CNIH3: variants seen among roughly 807,000 people sequenced by gnomAD.
CNIH3 encodes cornichon family AMPA receptor auxiliary protein 3.
Under a neutral mutation model 24.1 loss-of-function variants are expected in CNIH3, and 14 were observed. That is an observed-to-expected ratio of 0.58 (90% CI 0.38 to 0.91). The LOEUF is 0.91. Ranked by LOEUF, CNIH3 falls within the 40% of genes least tolerant of loss-of-function variation. CNIH3 has a pLI of 0.00. For missense variants in CNIH3, 178 were observed against 196.8 expected, an observed-to-expected ratio of 0.90 and a Z score of 0.57; for synonymous variants, 68 against 73.8, an observed-to-expected ratio of 0.92 and a Z score of 0.40.
chr1:224,581,023 G>T (rs950212242), intron 4 of CNIH3, among the ~76,000 whole-genome samples: 2 of 152,184 alleles, frequency 1.3e-5, no homozygotes. Flanking sequence ...GAGGCCCCCA[G>T]TGGAAACATA....
rs150991141 is a variant in CNIH3, at chr1:224,521,606, G to A, written n.343+279G>A. 1.6e-3 allele frequency: 239 copies of A among 152,276 alleles called. 1 individual carries two copies. Among genetic ancestry groups the A allele is most frequent in the African/African-American group, 5.3e-3 (220 of 41,552 alleles). The allele number at this position is 152,276 out of a possible 1,614,324, so 9.4% of individuals were successfully genotyped here. ...AAAGACAAGTTCTCCCTGACCTGGG[G>A]TGTTTGAAAAGATAACATGCTAGCC... On this transcript the variant is annotated intron_variant and non_coding_transcript_variant, in intron 2 of 2. Coordinates refer to the CNIH3 transcript ENST00000470602.
intron 1 of CNIH3, among the ~76,000 whole-genome samples, chr1:224,665,118 G>A (rs539290050): frequency 7.2e-5 from 11 of 152,120 alleles, no homozygotes; most frequent in South Asian, 4.2e-4. Flanking sequence ...TATACATTCC[G>A]TTAGTTAATT....
chr1:224,565,570 T>G (rs1680546466), intron 3 of CNIH3: 1 of 152,608 alleles, frequency 6.6e-6, no homozygotes, highest in Non-Finnish European at 1.5e-5. Flanking sequence ...AGCCCTACGC[T>G]TGCTGTTCTC....
At chr1:224,512,349 G>A (rs1041008700), upstream of CNIH3, among the ~76,000 whole-genome samples, 5 of 152,114 alleles carry the variant, frequency 3.3e-5, no homozygotes, top group African/African-American at 9.7e-5. Flanking sequence ...AGGCATGGTG[G>A]TGCACGCCTG....
At chr1:224,474,390 A>C (rs1572320315) in intron 1 of CNIH3, among the ~76,000 whole-genome samples, 2 of 152,038 alleles carry the variant, frequency 1.3e-5, no homozygotes, top group East Asian at 3.9e-4. Flanking sequence ...AAGTTTTTCA[A>C]GAAAAAGTTT....
chr1:224,710,912 T>C (rs1299739996), intron 3 of CNIH3, among the ~76,000 whole-genome samples: 1 of 152,244 alleles, frequency 6.6e-6, no homozygotes, highest in Non-Finnish European at 1.5e-5. Flanking sequence ...TCCTGCATAA[T>C]GATATCTTGT....
chr1:224,446,803 A>G (rs1324166372), intron 1 of CNIH3, among the ~76,000 whole-genome samples: 1 of 152,162 alleles, frequency 6.6e-6, no homozygotes, highest in Non-Finnish European at 1.5e-5. Context: ...AAAGAAGTCT[A>G]TCTAGGTGAG....
chr1:224,611,467 G>C (rs531452588), upstream of CNIH3: 1 of 152,290 alleles, frequency 6.6e-6, no homozygotes, highest in African/African-American at 2.4e-5. Flanking sequence ...GTTAAGGCCT[G>C]GTAGAGTGGC....
chr1:224,693,719 C>A (rs775802795), intron 3 of CNIH3, among the ~76,000 whole-genome samples: 21 of 152,208 alleles, frequency 1.4e-4, no homozygotes, highest in Non-Finnish European at 3.1e-4. Context: ...TTCAGTCAGA[C>A]CTTGCTGCCT....
At chr1:224,549,886 C>A (rs1160767592) in intron 3 of CNIH3, among the ~76,000 whole-genome samples, 1 of 152,038 alleles carries the variant, frequency 6.6e-6, no homozygotes, top group African/African-American at 2.4e-5. Flanking sequence ...CATGTAAACA[C>A]TGGTTATTAA....
downstream of CNIH3, among the ~76,000 whole-genome samples, chr1:224,538,861 G>T (rs1389694035): frequency 1.4e-5 from 2 of 144,838 alleles, no homozygotes; most frequent in African/African-American, 5.2e-5. Flanking sequence ...TGTAGAGATG[G>T]TGTTTCATGT....
At chr1:224,536,527 G>A (rs779890406) in intron 2 of CNIH3, among the ~76,000 whole-genome samples, 6 of 152,064 alleles carry the variant, frequency 3.9e-5, no homozygotes, top group Non-Finnish European at 7.4e-5. Context: ...CCGACCTCAG[G>A]TGATCTGCCC....
intron 5 of CNIH3, among the ~76,000 whole-genome samples, chr1:224,738,233 G>A (rs577852768): frequency 1.4e-4 from 21 of 152,350 alleles, no homozygotes; most frequent in Admixed American, 2.0e-4. Flanking sequence ...CCCCAGCACT[G>A]AGAATAGTGT....
At chr1:224,549,423 G>A (rs1336489712) in intron 3 of CNIH3, among the ~76,000 whole-genome samples, 1 of 150,784 alleles carries the variant, frequency 6.6e-6, no homozygotes, top group African/African-American at 2.4e-5. Context: ...TGGATATAAT[G>A]GAAATATCAG....
chr1:224,490,486 C>T (rs1044892033), intron 1 of CNIH3, among the ~76,000 whole-genome samples: 5 of 152,196 alleles, frequency 3.3e-5, no homozygotes, highest in African/African-American at 1.2e-4. Flanking sequence ...CGTGTTTTCA[C>T]AGTTTTTCTT....
intron 4 of CNIH3, among the ~76,000 whole-genome samples, chr1:224,573,156 C>T (rs563421009): frequency 1.3e-5 from 2 of 152,080 alleles, no homozygotes; most frequent in Non-Finnish European, 2.9e-5. Flanking sequence ...TCTTTTCTCT[C>T]GAATTTTTAG....
upstream of CNIH3, among the ~76,000 whole-genome samples, chr1:224,515,082 A>G (rs1346936693): frequency 6.6e-6 from 1 of 152,190 alleles, no homozygotes; most frequent in Non-Finnish European, 1.5e-5. Context: ...GATCTTTGAC[A>G]AAGTTTTAGT....
intron 4 of CNIH3, among the ~76,000 whole-genome samples, chr1:224,734,117 C>T (rs942631044): frequency 2.0e-5 from 3 of 152,206 alleles, no homozygotes; most frequent in Admixed American, 6.5e-5. Context: ...AACTGCTCTG[C>T]GCTCAAGTGA....
At chr1:224,586,377 C>T (rs1377710484) in intron 5 of CNIH3, among the ~76,000 whole-genome samples, 3 of 152,166 alleles carry the variant, frequency 2.0e-5, no homozygotes, top group Non-Finnish European at 4.4e-5. Flanking sequence ...TCAAGAGAAA[C>T]TCCCCTTTTT....
Sources: allele counts gnomAD v4.1 joint callset (sites outside exome capture counted in the v4.1 genomes callset), GRCh38; gene constraint gnomAD v4.1.1; transcripts MANE v1.5; gene names NCBI Gene and HGNC (gene_info 2026-07-23, HGNC 2026-07-21).